RTTN: variants seen among roughly 807,000 people sequenced by gnomAD.
RTTN encodes rotatin.
A neutral mutation model predicts 269.2 loss-of-function variants in RTTN; 182 were observed. The observed-to-expected ratio is 0.68, with a 90% CI of 0.60 to 0.76. The LOEUF is 0.76. RTTN is among the 30% of genes least tolerant of loss of function. The pLI, the probability that RTTN is intolerant of heterozygous loss-of-function variation, is 0.00. For synonymous variants in RTTN, 1,006 were observed against 963.5 expected (o/e 1.04, Z -0.82); for missense variants, 2,545 against 2,608.6 (o/e 0.98, Z 0.53).
intron 21 of RTTN, among the ~76,000 whole-genome samples, chr18:70,137,478 A>G (rs2060152342): frequency 6.6e-6 from 1 of 151,970 alleles, no homozygotes; most frequent in African/African-American, 2.4e-5. Context: ...TAAAACACAT[A>G]CTCCCCTGTT....
In RTTN at chr18:70,127,747, C is replaced by T; in HGVS notation, c.3144-6G>A. On this transcript the variant is annotated splice_polypyrimidine_tract_variant and splice_region_variant and intron_variant, in intron 24 of 48. Coordinates refer to ENST00000640769, the MANE Select transcript of RTTN (RefSeq NM_173630.4). ...ACTTCAATGCATCTAAAATTCTAGACAAAAAGAAAAAAAATGAAGGAGGAA... is the reference window on the plus strand; with the variant it reads ...ACTTCAATGCATCTAAAATTCTAGATAAAAAGAAAAAAAATGAAGGAGGAA... 3 of 1,583,406 alleles carry T rather than the reference C, an allele frequency of 1.9e-6. No individual in the cohort carries two copies. The highest frequency in any genetic ancestry group is 1.7e-6 in the Non-Finnish European group (2 of 1,165,098).
intron 34 of RTTN, among the ~76,000 whole-genome samples, chr18:70,072,114 C>T (rs1361731715): frequency 6.6e-6 from 1 of 152,068 alleles, no homozygotes; most frequent in African/African-American, 2.4e-5. Flanking sequence ...GACAAAGATA[C>T]ACATCATCTT....
rs139631824 is a variant in RTTN, at chr18:70,070,395, G to T, written c.4653+3511C>A. Among the ~76,000 whole-genome samples the T allele has an allele frequency of 5.9e-5, 9 of 152,254 alleles. No individual in the cohort carries two copies. The East Asian group carries it at 1.7e-3, about 29-fold the overall frequency. On this transcript the variant is annotated intron_variant, in intron 34 of 48. Transcript: ENST00000640769. ...TACCACCTCCTCAAGTTTTCCTGGG[G>T]TCACCATGCTGGAGGTATTTGTATG...
chr18:70,088,932 T>C (rs554548975), intron 30 of RTTN, among the ~76,000 whole-genome samples: 29 of 152,236 alleles, frequency 1.9e-4, no homozygotes, highest in Admixed American at 5.9e-4. Flanking sequence ...GTAATGCAAA[T>C]GCAATTTTTT....
intron 28 of RTTN, among the ~76,000 whole-genome samples, chr18:70,100,821 T>A (rs2145341474): frequency 6.6e-6 from 1 of 152,322 alleles, no homozygotes; most frequent in Middle Eastern, 3.4e-3. Context: ...CTTTTCTGCA[T>A]CTATTGAGAT....
intron 45 of RTTN, chr18:70,019,158 T>C (rs898279067): frequency 4.6e-5 from 7 of 152,176 alleles, no homozygotes; most frequent in Non-Finnish European, 1.0e-4. Context: ...AAAATATTCT[T>C]AAGTATAGCA....
At chr18:70,100,250 T>C (rs1478494263) in intron 28 of RTTN, among the ~76,000 whole-genome samples, 1 of 152,242 alleles carries the variant, frequency 6.6e-6, no homozygotes, top group African/African-American at 2.4e-5. Flanking sequence ...TCCTCTTTTA[T>C]TTCCTTGAGC....
intron 11 of RTTN, 148 bp downstream of exon 11, chr18:70,176,527 A>G (rs939845128): frequency 1.8e-6 from 1 of 546,402 alleles, no homozygotes; most frequent in African/African-American, 1.9e-5. Flanking sequence ...CTCAATTTCT[A>G]CATTTCCCAT....
intron 2 of RTTN, 75 bp downstream of exon 2, chr18:70,205,053 A>T (rs2062041608): frequency 6.9e-7 from 1 of 1,450,010 alleles, no homozygotes; most frequent in Admixed American, 2.1e-5. Context: ...TTTAACTTTC[A>T]ATAAACGCTA....
chr18:70,193,176 C>CAAA (rs35759421), intron 8 of RTTN, 112 bp downstream of exon 8: 774 of 659,406 alleles, frequency 1.2e-3, no homozygotes, highest in South Asian at 1.5e-3. Flanking sequence ...GTTAATGTTT[C>CAAA]AAAAAAAAAA....
intron 22 of RTTN, 67 bp downstream of exon 22, chr18:70,135,117 T>C: frequency 6.8e-6 from 6 of 885,806 alleles, no homozygotes; most frequent in Admixed American, 2.8e-5. Flanking sequence ...TGCCTTGCTA[T>C]AAGATTACAT....
chr18:70,168,119 A>AAG (rs2061040379), intron 12 of RTTN, among the ~76,000 whole-genome samples: 1 of 151,928 alleles, frequency 6.6e-6, no homozygotes, highest in Non-Finnish European at 1.5e-5. Flanking sequence ...CTGTCAAAAA[A>AAG]AAAAAAAATT....
At chr18:70,100,833 A>G (rs1015637319) in intron 28 of RTTN, among the ~76,000 whole-genome samples, 1 of 152,176 alleles carries the variant, frequency 6.6e-6, no homozygotes. Context: ...TATTGAGATA[A>G]TCATGTGGTT....
intron 42 of RTTN, among the ~76,000 whole-genome samples, chr18:70,029,573 G>A (rs951121238): frequency 1.3e-5 from 2 of 152,050 alleles, no homozygotes; most frequent in African/African-American, 2.4e-5. Flanking sequence ...ATTACCAGTT[G>A]TGTGACTATG....
chr18:70,150,461 T>G (rs193001195), intron 15 of RTTN, 147 bp downstream of exon 15: 6 of 706,034 alleles, frequency 8.5e-6, no homozygotes, highest in African/African-American at 1.8e-5. Flanking sequence ...TATTTTTATT[T>G]AAATAACACT....
At chr18:70,204,006 TA>T (rs966617361) in intron 3 of RTTN, 79 bp downstream of exon 3, 11 of 1,153,900 alleles carry the variant, frequency 9.5e-6, no homozygotes, top group Non-Finnish European at 1.3e-5. Context: ...AAATCCTTTT[TA>T]AAAAAATCTA....
At chr18:70,173,750 C>G (rs9948115) in intron 11 of RTTN, among the ~76,000 whole-genome samples, 14,574 of 152,046 alleles carry the variant, frequency 0.096, 1,469 homozygotes, top group African/African-American at 0.26. Flanking sequence ...GATAACCTCA[C>G]GTTTAAAAAT....
At chr18:70,143,147 A>T (rs1193296132) in intron 18 of RTTN, among the ~76,000 whole-genome samples, 2 of 152,026 alleles carry the variant, frequency 1.3e-5, no homozygotes, top group Non-Finnish European at 2.9e-5. Context: ...TTTTGGCCAC[A>T]TGTATGTCTT....
chr18:70,099,473 G>A (rs532826028), intron 28 of RTTN, among the ~76,000 whole-genome samples: 3 of 152,228 alleles, frequency 2.0e-5, no homozygotes, highest in African/African-American at 7.2e-5. Context: ...ATAGATTCTG[G>A]ATATTAGCCC....
Sources: allele counts gnomAD v4.1 joint callset (sites outside exome capture counted in the v4.1 genomes callset), GRCh38; gene constraint gnomAD v4.1.1; transcripts MANE v1.5; gene names NCBI Gene and HGNC (gene_info 2026-07-23, HGNC 2026-07-21).